CSMD1: variants seen among roughly 807,000 people sequenced by gnomAD.
The protein encoded by CSMD1 is CUB and Sushi multiple domains 1.
In CSMD1, 213 loss-of-function variants were observed where a neutral mutation model predicts 417.5. That is an observed-to-expected ratio of 0.51 (90% CI 0.46 to 0.57). The LOEUF is 0.57. CSMD1 is among the 20% of genes least tolerant of loss of function. CSMD1 has a pLI of 0.00. For missense variants in CSMD1, 6,923 were observed against 4,529.7 expected, an observed-to-expected ratio of 1.53 and a Z score of -15.17; for synonymous variants, 2,862 against 1,736.8, an observed-to-expected ratio of 1.65 and a Z score of -16.11.
chr8:4,270,818 C>G (rs62481985), intron 3 of CSMD1, among the ~76,000 whole-genome samples: 55,642 of 151,988 alleles, frequency 0.37, 10,852 homozygotes, highest in Middle Eastern at 0.49. Context: ...TTCCCTGCCG[C>G]CCACCACACT....
At chr8:4,868,522 T>C (rs1437244016) in intron 1 of CSMD1, among the ~76,000 whole-genome samples, 1 of 152,048 alleles carries the variant, frequency 6.6e-6, no homozygotes. Context: ...AGTCGTATTA[T>C]TTTCATATTA....
chr8:3,532,595 C>T (rs1483659093), intron 10 of CSMD1, among the ~76,000 whole-genome samples: 1 of 152,022 alleles, frequency 6.6e-6, no homozygotes, highest in Non-Finnish European at 1.5e-5. Context: ...GCATTCATGC[C>T]GTTTGGTGTT....
chr8:3,508,786 T>C (rs1377638274), intron 10 of CSMD1, among the ~76,000 whole-genome samples: 2 of 152,192 alleles, frequency 1.3e-5, no homozygotes, highest in African/African-American at 2.4e-5. Flanking sequence ...GCCTCCGTAA[T>C]GCTCCACCAC....
chr8:4,943,226 T>G (rs369979293), intron 1 of CSMD1, among the ~76,000 whole-genome samples: 3 of 152,282 alleles, frequency 2.0e-5, no homozygotes. Context: ...CCGGGTGCAG[T>G]GGCTCATGCT....
chr8:3,723,162 C>G (rs879483912), intron 6 of CSMD1, among the ~76,000 whole-genome samples: 11 of 152,138 alleles, frequency 7.2e-5, no homozygotes, highest in African/African-American at 1.7e-4. Flanking sequence ...CATCTTCTTG[C>G]TGGCTAATGA....
chr8:3,790,508 G>A (rs1325002368), intron 5 of CSMD1, among the ~76,000 whole-genome samples: 2 of 152,306 alleles, frequency 1.3e-5, no homozygotes, highest in South Asian at 2.1e-4. Flanking sequence ...TGGTAATTAT[G>A]ACGGTGATAA....
In CSMD1 at chr8:2,951,220, T is replaced by C. The variant is rs1402767538; in HGVS notation, c.10095A>G (p.Leu3365=). The part of the protein sequence containing the change: ...NSLWKGYYEY[L]GKRQPATLTV... ...TTAGAGTGGCGGGTTGTCTTTTCCCTAAATATTCATAATACCCCTTCCACA... is the reference window on the plus strand; with the variant it reads ...TTAGAGTGGCGGGTTGTCTTTTCCCCAAATATTCATAATACCCCTTCCACA... Residue 3365 remains leucine (L), a synonymous_variant, in exon 66 of 70, where the codon TTA becomes TTG. Coordinates refer to ENST00000635120, the MANE Select transcript of CSMD1 (RefSeq NM_033225.6). 1 of 1,608,896 alleles carries C rather than the reference T, an allele frequency of 6.2e-7. No individual in the cohort carries two copies. The highest frequency in any genetic ancestry group is 1.7e-4 in the Middle Eastern group (1 of 6,042).
intron 10 of CSMD1, among the ~76,000 whole-genome samples, chr8:3,521,765 C>A (rs28624209): frequency 0.011 from 1,684 of 152,222 alleles, 31 homozygotes; most frequent in African/African-American, 0.038. Context: ...TTATTGTATT[C>A]CCAGAACAAA....
chr8:4,515,675 G>A (rs1473479444), intron 2 of CSMD1, among the ~76,000 whole-genome samples: 2 of 152,110 alleles, frequency 1.3e-5, no homozygotes, highest in African/African-American at 4.8e-5. Flanking sequence ...GTTTGCCTGT[G>A]GTAAGCAAGA....
At chr8:4,958,865 G>C (rs769849255) in intron 1 of CSMD1, among the ~76,000 whole-genome samples, 1 of 152,044 alleles carries the variant, frequency 6.6e-6, no homozygotes, top group Non-Finnish European at 1.5e-5. Context: ...AAAGAAAGCA[G>C]GTAATTTATT....
intron 5 of CSMD1, among the ~76,000 whole-genome samples, chr8:3,987,768 C>A (rs923780454): frequency 6.6e-6 from 1 of 152,146 alleles, no homozygotes; most frequent in African/African-American, 2.4e-5. Context: ...AGGACTCAGG[C>A]CAAAGCAGGC....
intron 1 of CSMD1, among the ~76,000 whole-genome samples, chr8:4,796,653 G>T (rs979478546): frequency 5.3e-5 from 8 of 152,112 alleles, no homozygotes; most frequent in African/African-American, 1.9e-4. Flanking sequence ...AAAACACTGG[G>T]AAACAAATGA....
chr8:3,790,330 ATGATGG>A (rs992231775), intron 5 of CSMD1, among the ~76,000 whole-genome samples: 17 of 152,178 alleles, frequency 1.1e-4, no homozygotes, highest in Non-Finnish European at 2.1e-4. Context: ...CAAATGTATA[ATGATGG>A]TGATGGTGAT....
intron 3 of CSMD1, among the ~76,000 whole-genome samples, chr8:4,233,708 C>G (rs956417935): frequency 5.9e-5 from 9 of 152,176 alleles, no homozygotes; most frequent in Middle Eastern, 3.4e-3. Context: ...GGTACAGCAG[C>G]CCCAACAGAC....
At chr8:3,934,441 C>G (rs1460603750) in intron 5 of CSMD1, among the ~76,000 whole-genome samples, 1 of 152,076 alleles carries the variant, frequency 6.6e-6, no homozygotes, top group African/African-American at 2.4e-5. Flanking sequence ...AAAAATTGTT[C>G]TCATAATTTT....
Position 4,841,053 on chromosome 8 carries a change from T to C in CSMD1, c.85+153279A>G, listed in dbSNP as rs916994131. Among the ~76,000 whole-genome samples, 15 of 152,362 alleles carry C rather than the reference T, an allele frequency of 9.8e-5. No individual in the cohort carries two copies. In the East Asian group the frequency reaches 2.9e-3, roughly 29 times the overall value. ...ACCCTGTCAGCACCAACGTTCTTCCTGTATTCTTTCCTGCCTTGAGAAGAG... is the reference window on the plus strand; with the variant it reads ...ACCCTGTCAGCACCAACGTTCTTCCCGTATTCTTTCCTGCCTTGAGAAGAG... On this transcript the variant is annotated intron_variant, in intron 1 of 69. Coordinates refer to ENST00000635120, the MANE Select transcript of CSMD1 (RefSeq NM_033225.6).
At chr8:4,006,753 C>A (rs970095835) in intron 4 of CSMD1, among the ~76,000 whole-genome samples, 1 of 151,846 alleles carries the variant, frequency 6.6e-6, no homozygotes, top group Non-Finnish European at 1.5e-5. Flanking sequence ...AAGGAACTCA[C>A]CACTATTTAT....
chr8:4,849,731 C>T (rs1024543895), intron 1 of CSMD1, among the ~76,000 whole-genome samples: 2 of 152,198 alleles, frequency 1.3e-5, no homozygotes, highest in Non-Finnish European at 2.9e-5. Context: ...CTATACCATA[C>T]ATCCTAGGTC....
chr8:3,295,512 T>G (rs10107991), intron 25 of CSMD1, among the ~76,000 whole-genome samples: 2 of 151,980 alleles, frequency 1.3e-5, no homozygotes, highest in Non-Finnish European at 1.5e-5. Flanking sequence ...ACTGTAAGTG[T>G]TTTATTTTCG....
Sources: gnomAD v4.1 joint callset for allele counts (sites outside exome capture counted in the v4.1 genomes callset) on GRCh38, gnomAD v4.1.1 for gene constraint, MANE v1.5 for transcripts, NCBI Gene and HGNC (gene_info 2026-07-23, HGNC 2026-07-21) for gene names.